The following CSMD3 variants were observed in gnomAD, a reference collection of about 807,000 sequenced individuals.
CSMD3 encodes the protein CUB and sushi domain-containing protein 3.
Under a neutral mutation model 435.2 loss-of-function variants are expected in CSMD3, and 177 were observed. That is an observed-to-expected ratio of 0.41 (90% CI 0.36 to 0.46). The LOEUF is 0.46. Among genes scored for constraint, CSMD3 ranks in the 20% least tolerant of loss-of-function variants. The pLI is 0.34. For synonymous variants in CSMD3, 1,656 were observed against 1,520.5 expected, an observed-to-expected ratio of 1.09 and a Z score of -2.07; for missense variants, 4,265 against 4,504.6, an observed-to-expected ratio of 0.95 and a Z score of 1.52.
intron 24 of CSMD3, among the ~76,000 whole-genome samples, chr8:112,557,972 C>G (rs1441729244): frequency 6.6e-6 from 1 of 151,866 alleles, no homozygotes. Context: ...AGCCCCTAAA[C>G]TGTGGGGTCT....
At chr8:113,077,725 C>T (rs1564287152) in intron 5 of CSMD3, among the ~76,000 whole-genome samples, 1 of 151,908 alleles carries the variant, frequency 6.6e-6, no homozygotes, top group Non-Finnish European at 1.5e-5. Context: ...AAAAACAAAA[C>T]TCTAAGATAC....
intron 6 of CSMD3, among the ~76,000 whole-genome samples, chr8:113,012,584 T>A (rs2086296494): frequency 6.6e-6 from 1 of 152,034 alleles, no homozygotes; most frequent in Non-Finnish European, 1.5e-5. Context: ...TTATAAATGG[T>A]AATTTTTTCG....
chr8:113,321,042 A>G (rs956340368), intron 1 of CSMD3, among the ~76,000 whole-genome samples: 2 of 151,960 alleles, frequency 1.3e-5, no homozygotes, highest in Non-Finnish European at 2.9e-5. Flanking sequence ...AACCCTGTGG[A>G]TTTGATTCAA....
At chr8:113,023,228 C>T (rs996873973) in intron 5 of CSMD3, among the ~76,000 whole-genome samples, 3 of 151,902 alleles carry the variant, frequency 2.0e-5, no homozygotes, top group Non-Finnish European at 4.4e-5. Flanking sequence ...CTGACATCTA[C>T]TTTTTAAAAA....
At chr8:113,198,885 G>T (rs918955571) in intron 3 of CSMD3, among the ~76,000 whole-genome samples, 1 of 150,958 alleles carries the variant, frequency 6.6e-6, no homozygotes. Context: ...CAGAGCCAAC[G>T]TTAGAGATAT....
chr8:112,626,105 C>CA (rs1834452643), intron 22 of CSMD3, among the ~76,000 whole-genome samples: 2 of 151,772 alleles, frequency 1.3e-5, no homozygotes, highest in Admixed American at 6.6e-5. Flanking sequence ...GAGGTAAAGA[C>CA]AAAATATCAA....
chr8:112,343,393 G>A (rs1825365620), intron 41 of CSMD3, among the ~76,000 whole-genome samples: 1 of 152,004 alleles, frequency 6.6e-6, no homozygotes, highest in African/African-American at 2.4e-5. Context: ...CGAATTTAGA[G>A]TTTCCACATT....
chr8:112,561,477 AT>A (rs1187831075), intron 24 of CSMD3, among the ~76,000 whole-genome samples: 6 of 151,694 alleles, frequency 4.0e-5, no homozygotes, highest in East Asian at 1.9e-4. Context: ...CTACAAAAAA[AT>A]ATAAAGGATG....
At chr8:113,244,691 T>C (rs1288171978) in intron 3 of CSMD3, among the ~76,000 whole-genome samples, 1 of 152,168 alleles carries the variant, frequency 6.6e-6, no homozygotes, top group African/African-American at 2.4e-5. Flanking sequence ...ACCAGCAACA[T>C]GTGGAAAATG....
intron 10 of CSMD3, among the ~76,000 whole-genome samples, chr8:112,884,484 A>G (rs1169516343): frequency 6.6e-6 from 1 of 151,596 alleles, no homozygotes; most frequent in East Asian, 2.0e-4. Context: ...TTATAGAGGG[A>G]TGTCTTGTGC....
chr8:112,337,521 T>G (rs904713003), intron 43 of CSMD3, 22 bp downstream of exon 43: 1 of 1,591,164 alleles, frequency 6.3e-7, no homozygotes, highest in African/African-American at 1.3e-5. Flanking sequence ...ACCTAAAAGA[T>G]AGCTTCAAGT....
chr8:112,929,779 A>G (rs1229476136), intron 9 of CSMD3, among the ~76,000 whole-genome samples: 1 of 152,114 alleles, frequency 6.6e-6, no homozygotes, highest in African/African-American at 2.4e-5. Context: ...AGAAAGTAAC[A>G]TGAAAATGTT....
At chr8:112,355,046 C>G (rs986834053) in intron 38 of CSMD3, among the ~76,000 whole-genome samples, 1 of 152,146 alleles carries the variant, frequency 6.6e-6, no homozygotes, top group African/African-American at 2.4e-5. Flanking sequence ...AGAAATAAAT[C>G]CACACATCCA....
chr8:112,708,685 A>G (rs1223111110), intron 13 of CSMD3, among the ~76,000 whole-genome samples: 2 of 144,308 alleles, frequency 1.4e-5, no homozygotes, highest in African/African-American at 5.1e-5. Context: ...GACTGAATAT[A>G]TATTGGAAAA....
rs1329922337 is a variant in CSMD3 at position 112,650,249 on chromosome 8, A to G, written c.3105T>C (p.Ser1035=). 5 of 1,613,940 alleles carry G rather than the reference A, an allele frequency of 3.1e-6. No homozygotes were observed. In the South Asian group the frequency reaches 4.4e-5, roughly 14 times the overall value. Residue 1035 remains serine (S), a synonymous_variant, in exon 19 of 71, where the codon AGT becomes AGC. Transcript: ENST00000297405. ...DFSIGSTVSF[S]CDSGYRLSHE... is the part of the protein sequence containing the mutation. ...GACTCAACCTGTATCCTGAATCACA[A>G]CTAAATGAAACAGTAGAGCCAATGG...
chr8:113,326,360 GT>G (rs11292821), intron 1 of CSMD3, among the ~76,000 whole-genome samples: 99,790 of 151,436 alleles, frequency 0.66, 33,893 homozygotes, highest in Admixed American at 0.76. Context: ...ATTATTTCTA[GT>G]TTTTTTTCCT....
At chr8:112,284,178 C>A (rs1818943045) in intron 58 of CSMD3, among the ~76,000 whole-genome samples, 1 of 144,222 alleles carries the variant, frequency 6.9e-6, no homozygotes, top group Admixed American at 7.3e-5. Flanking sequence ...CATTTGCCAT[C>A]ATTTAAAAGA....
intron 25 of CSMD3, among the ~76,000 whole-genome samples, chr8:112,555,143 C>T (rs1172385818): frequency 6.6e-6 from 1 of 151,862 alleles, no homozygotes; most frequent in African/African-American, 2.4e-5. Flanking sequence ...TGTGCAATAT[C>T]AAGTCAACAT....
intron 6 of CSMD3, among the ~76,000 whole-genome samples, chr8:112,994,930 G>A (rs1418814362): frequency 4.0e-5 from 6 of 151,284 alleles, no homozygotes; most frequent in Non-Finnish European, 8.9e-5. Flanking sequence ...AGACAAAATG[G>A]TAAGAGTTTG....
Sources: allele counts gnomAD v4.1 joint callset (sites outside exome capture counted in the v4.1 genomes callset), GRCh38; gene constraint gnomAD v4.1.1; transcripts MANE v1.5; gene names NCBI Gene and HGNC (gene_info 2026-07-23, HGNC 2026-07-21).